The following LUZP2 variants were observed in gnomAD, a reference collection of about 807,000 sequenced individuals.
The protein encoded by LUZP2 is leucine zipper protein 2.
LUZP2 carries 52 observed loss-of-function variants against 51.6 expected under a neutral mutation model. The observed-to-expected ratio is 1.01, with a 90% confidence interval of 0.81 to 1.27. The LOEUF (loss-of-function observed/expected upper bound fraction) is 1.27. Ranked by LOEUF, LUZP2 falls within the 50% of genes most tolerant of loss-of-function variation. LUZP2 has a pLI of 0.00. For synonymous variants in LUZP2, 154 were observed against 137.3 expected (o/e 1.12, Z -0.85); for missense variants, 436 against 395.4 (o/e 1.10, Z -0.87).
At chr11:24,991,170 C>T (rs1157178541) in intron 9 of LUZP2, among the ~76,000 whole-genome samples, 1 of 151,758 alleles carries the variant, frequency 6.6e-6, no homozygotes, top group Non-Finnish European at 1.5e-5. Flanking sequence ...ATTCATATGC[C>T]TTTGCATCCT....
intron 1 of LUZP2, among the ~76,000 whole-genome samples, chr11:24,558,237 A>G (rs1049677509): frequency 1.3e-5 from 2 of 152,046 alleles, no homozygotes; most frequent in African/African-American, 4.8e-5. Flanking sequence ...AACACTGTCA[A>G]CTTGCTTGGT....
intron 1 of LUZP2, among the ~76,000 whole-genome samples, chr11:24,686,519 TCTTA>T (rs1856900505): frequency 6.6e-6 from 1 of 152,216 alleles, no homozygotes; most frequent in South Asian, 2.1e-4. Flanking sequence ...AAGATCACTC[TCTTA>T]CTGTGTTTTT....
chr11:24,754,482 T>C (rs1859701447), intron 4 of LUZP2, among the ~76,000 whole-genome samples: 1 of 152,158 alleles, frequency 6.6e-6, no homozygotes, highest in Non-Finnish European at 1.5e-5. Context: ...TCTCTGACTG[T>C]CTCTGTTTTG....
intron 1 of LUZP2, among the ~76,000 whole-genome samples, chr11:24,709,212 T>C (rs999327377): frequency 1.2e-4 from 19 of 152,264 alleles, no homozygotes; most frequent in African/African-American, 4.1e-4. Flanking sequence ...ATATGCGGCA[T>C]TTTCAAATAG....
intron 5 of LUZP2, among the ~76,000 whole-genome samples, chr11:24,902,200 A>G (rs1853301112): frequency 6.6e-6 from 1 of 152,158 alleles, no homozygotes; most frequent in Non-Finnish European, 1.5e-5. Context: ...CAGGTTTTTT[A>G]TAAAAATAAA....
At chr11:24,898,756 T>C (rs1175139146) in intron 5 of LUZP2, among the ~76,000 whole-genome samples, 1 of 152,206 alleles carries the variant, frequency 6.6e-6, no homozygotes, top group Non-Finnish European at 1.5e-5. Flanking sequence ...ATATGAATAC[T>C]ACAAATTTTT....
chr11:24,575,192 G>C (rs1590198957), intron 1 of LUZP2, among the ~76,000 whole-genome samples: 2 of 152,138 alleles, frequency 1.3e-5, no homozygotes, highest in East Asian at 3.9e-4. Context: ...TATTTAAAAA[G>C]AAAGAAAGAA....
intron 5 of LUZP2, among the ~76,000 whole-genome samples, chr11:24,772,185 TA>T (rs368342728): frequency 1.3e-5 from 2 of 151,832 alleles, no homozygotes; most frequent in East Asian, 1.9e-4. Context: ...TTGACTAAAA[TA>T]AAAAAAACAA....
intron 1 of LUZP2, among the ~76,000 whole-genome samples, chr11:24,642,589 A>G (rs1345321820): frequency 6.6e-6 from 1 of 151,832 alleles, no homozygotes; most frequent in Non-Finnish European, 1.5e-5. Flanking sequence ...ATATACACAG[A>G]TTTGAATTTA....
At chr11:24,916,510 G>T (rs780004627) in intron 7 of LUZP2, among the ~76,000 whole-genome samples, 2 of 151,862 alleles carry the variant, frequency 1.3e-5, no homozygotes, top group Non-Finnish European at 2.9e-5. Flanking sequence ...ACAGGCTGTG[G>T]TGTGTGATGT....
intron 1 of LUZP2, among the ~76,000 whole-genome samples, chr11:24,564,155 C>T (rs756837357): frequency 2.6e-5 from 4 of 152,090 alleles, no homozygotes; most frequent in Non-Finnish European, 5.9e-5. Context: ...AATCTTCCTT[C>T]TCAAACACAT....
chr11:24,602,280 A>ATG (rs1491119402), intron 1 of LUZP2, among the ~76,000 whole-genome samples: 82 of 83,764 alleles, frequency 9.8e-4, no homozygotes, highest in African/African-American at 2.1e-3. Flanking sequence ...ATACATATAT[A>ATG]CACACATATA....
At position 24,527,003 on chromosome 11, in the gene LUZP2, T is replaced by G. The variant is rs1509608; in HGVS notation, c.62+29698T>G. Among the ~76,000 whole-genome samples, 60 of 151,546 alleles carry G rather than the reference T, an allele frequency of 4.0e-4. 1 individual carries two copies. In the East Asian group the frequency reaches 9.5e-3, roughly 24 times the overall value. ...CAGAGATTTTTGCCCATTGTTAAAC[T>G]CTGTGAGGAATCCAATTTTGATGCT... On this transcript the variant is annotated intron_variant, in intron 1 of 11. Coordinates refer to ENST00000336930, the MANE Select transcript of LUZP2 (RefSeq NM_001009909.4).
intron 5 of LUZP2, among the ~76,000 whole-genome samples, chr11:24,839,528 G>A (rs866089941): frequency 7.3e-5 from 11 of 151,724 alleles, no homozygotes; most frequent in South Asian, 2.1e-4. Context: ...TAGTACTTTA[G>A]TACAATTCAA....
At chr11:24,865,738 G>T (rs997103055) in intron 5 of LUZP2, among the ~76,000 whole-genome samples, 9 of 140,042 alleles carry the variant, frequency 6.4e-5, no homozygotes, top group Non-Finnish European at 1.1e-4. Context: ...GTGTGTGTGT[G>T]TGTGTGTATA....
intron 10 of LUZP2, among the ~76,000 whole-genome samples, chr11:25,063,491 G>C (rs948519948): frequency 2.0e-5 from 3 of 151,740 alleles, no homozygotes; most frequent in African/African-American, 4.8e-5. Context: ...AGAGGAGTCT[G>C]CTTCAGCATG....
chr11:24,906,551 C>T (rs566660778), intron 6 of LUZP2, among the ~76,000 whole-genome samples: 1 of 152,170 alleles, frequency 6.6e-6, no homozygotes, highest in South Asian at 2.1e-4. Context: ...TGTCATTCTG[C>T]TTAACATAGA....
chr11:24,883,597 C>T (rs116686571), intron 5 of LUZP2, among the ~76,000 whole-genome samples: 1 of 152,128 alleles, frequency 6.6e-6, no homozygotes, highest in African/African-American at 2.4e-5. Context: ...AGACATTTCT[C>T]ACTACAGTCA....
In LUZP2 at chr11:24,834,144, G is replaced by A. The variant is rs187623102; in HGVS notation, c.396+70836G>A. ...GCAGAATGTGCAGGTTTTTTACATA[G>A]GTATACATGTGCTATGGTGGTTTGC... On this transcript the variant is annotated intron_variant, in intron 5 of 11. Transcript: ENST00000336930. Among the ~76,000 whole-genome samples the A allele has an allele frequency of 5.8e-3, 874 of 151,710 alleles. 2 individuals carry two copies. Among genetic ancestry groups the A allele is most frequent in the Non-Finnish European group, 8.7e-3 (588 of 67,928 alleles).
Sources: allele counts gnomAD v4.1 joint callset (sites outside exome capture counted in the v4.1 genomes callset), GRCh38; gene constraint gnomAD v4.1.1; transcripts MANE v1.5; gene names NCBI Gene and HGNC (gene_info 2026-07-23, HGNC 2026-07-21).